Variants in GPM6A observed in about 807,000 individuals in gnomAD.
GPM6A encodes the protein glycoprotein M6A.
In GPM6A, 7 loss-of-function variants were observed where a neutral mutation model predicts 32.1. The observed-to-expected ratio is 0.22, with a 90% confidence interval of 0.12 to 0.41. GPM6A has a LOEUF of 0.41. Ranked by LOEUF, GPM6A falls within the 10% of genes least tolerant of loss-of-function variation. GPM6A has a pLI of 1.00. For synonymous variants in GPM6A, 130 were observed against 123.4 expected (o/e 1.05, Z -0.35); for missense variants, 235 against 347.2 (o/e 0.68, Z 2.57).
intron 1 of GPM6A, among the ~76,000 whole-genome samples, chr4:175,748,669 G>A (rs138132389): frequency 6.6e-6 from 1 of 152,206 alleles, no homozygotes; most frequent in East Asian, 1.9e-4. Flanking sequence ...TTTTTGGAGT[G>A]ATAAATAAAC....
intron 1 of GPM6A, among the ~76,000 whole-genome samples, chr4:175,892,036 G>T (rs1002867205): frequency 3.3e-5 from 5 of 152,160 alleles, no homozygotes; most frequent in African/African-American, 1.2e-4. Flanking sequence ...ATAAAAATCA[G>T]AGGGCTTGTT....
intron 3 of GPM6A, among the ~76,000 whole-genome samples, chr4:175,656,288 A>G (rs575256179): frequency 6.6e-6 from 1 of 152,262 alleles, no homozygotes; most frequent in South Asian, 2.1e-4. Flanking sequence ...AATAGCTGAC[A>G]TATTCCATTA....
chr4:175,864,985 A>G (rs934216190), intron 1 of GPM6A, among the ~76,000 whole-genome samples: 3 of 151,756 alleles, frequency 2.0e-5, no homozygotes, highest in African/African-American at 7.3e-5. Flanking sequence ...TAATTTTTGT[A>G]TTTTTAGTAG....
Position 175,924,614 on chromosome 4 carries a change from C to T in GPM6A, c.-23+77695G>A, listed in dbSNP as rs561964725. Among the ~76,000 whole-genome samples, 11 of 152,172 alleles carry T rather than the reference C, an allele frequency of 7.2e-5. No individual in the cohort carries two copies. In the East Asian group the frequency reaches 1.7e-3, roughly 24 times the overall value. Reference sequence around the variant, plus strand: ...CAGTACTTTGGGAGGCCGAGGCACACGGATCACCTGAGGTCAGGGGTTCGA... The same window carrying T: ...CAGTACTTTGGGAGGCCGAGGCACATGGATCACCTGAGGTCAGGGGTTCGA... On this transcript the variant is annotated intron_variant, in intron 1 of 7. Coordinates refer to the GPM6A transcript ENST00000280187.
rs1464694700 is a variant in GPM6A at position 175,849,100 on chromosome 4, T to C, written c.-22-36851A>G. ...TTATAAATTTGTATAGATTTAAGAGTGTAAAAATGTTTCTTATCCAGACAT... is the reference window on the plus strand; with the variant it reads ...TTATAAATTTGTATAGATTTAAGAGCGTAAAAATGTTTCTTATCCAGACAT... On this transcript the variant is annotated intron_variant, in intron 1 of 7. Transcript: ENST00000280187. Among the ~76,000 whole-genome samples the C allele has an allele frequency of 2.0e-5, 3 of 152,070 alleles. No individual in the cohort carries two copies. The East Asian group carries it at 5.8e-4, about 29-fold the overall frequency.
chr4:175,950,001 C>G (rs1471433484), intron 1 of GPM6A, among the ~76,000 whole-genome samples: 9 of 151,986 alleles, frequency 5.9e-5, no homozygotes, highest in Admixed American at 5.9e-4. Context: ...GTATAAACAC[C>G]AATGGATCAC....
intron 4 of GPM6A, among the ~76,000 whole-genome samples, chr4:175,649,971 T>C (rs934513880): frequency 6.6e-6 from 1 of 152,172 alleles, no homozygotes; most frequent in Non-Finnish European, 1.5e-5. Flanking sequence ...AAGGAAGACA[T>C]TTAGGACAAG....
rs557978137 is a variant in GPM6A, at chr4:175,666,151, C to T, written c.387+7529G>A. Reference sequence around the variant, plus strand: ...GCCAGGCTGGTCTCGATCTCCAGCCCTTAGGTGATCCACCTGCCTCGGTCT... The same window carrying T: ...GCCAGGCTGGTCTCGATCTCCAGCCTTTAGGTGATCCACCTGCCTCGGTCT... On this transcript the variant is annotated intron_variant, in intron 3 of 6. Coordinates refer to ENST00000393658, the MANE Select transcript of GPM6A (RefSeq NM_201591.3). Among the ~76,000 whole-genome samples, 15 of 152,034 alleles carry T rather than the reference C, an allele frequency of 9.9e-5. No individual in the cohort carries two copies. In the South Asian group the frequency reaches 1.0e-3, roughly 11 times the overall value.
chr4:175,699,876 A>G (rs906669884), intron 2 of GPM6A, among the ~76,000 whole-genome samples: 1 of 152,158 alleles, frequency 6.6e-6, no homozygotes, highest in African/African-American at 2.4e-5. Flanking sequence ...ATAGAAATGT[A>G]TAACTCTATT....
At chr4:175,978,532 C>T (rs1333929815) in intron 1 of GPM6A, among the ~76,000 whole-genome samples, 1 of 152,148 alleles carries the variant, frequency 6.6e-6, no homozygotes, top group Non-Finnish European at 1.5e-5. Flanking sequence ...TCTTCCCACT[C>T]AGGCCAGACT....
At chr4:175,961,785 C>G (rs1740172376) in intron 1 of GPM6A, among the ~76,000 whole-genome samples, 1 of 152,150 alleles carries the variant, frequency 6.6e-6, no homozygotes, top group African/African-American at 2.4e-5. Context: ...GGAAAATATT[C>G]TGCCAGTGCC....
intron 1 of GPM6A, among the ~76,000 whole-genome samples, chr4:175,764,254 G>A (rs1337262714): frequency 6.6e-6 from 1 of 152,076 alleles, no homozygotes; most frequent in Non-Finnish European, 1.5e-5. Flanking sequence ...TTATATAAAG[G>A]GAATCATGCT....
chr4:175,717,974 T>C (rs563814891), intron 1 of GPM6A, among the ~76,000 whole-genome samples: 2 of 152,320 alleles, frequency 1.3e-5, no homozygotes, highest in Admixed American at 6.5e-5. Flanking sequence ...TTTGTAAAAT[T>C]GCACCAATTC....
intron 1 of GPM6A, among the ~76,000 whole-genome samples, chr4:175,799,985 CTT>C: frequency 9.7e-6 from 1 of 102,822 alleles, no homozygotes. Context: ...AAGTTTATCT[CTT>C]TTTTCATTCA....
chr4:175,904,991 G>C (rs2111497041), intron 1 of GPM6A, among the ~76,000 whole-genome samples: 1 of 152,202 alleles, frequency 6.6e-6, no homozygotes, highest in East Asian at 1.9e-4. Flanking sequence ...ACAAAAGGGA[G>C]ATTAACAGGA....
chr4:175,637,135 T>A (rs1211011925), intron 6 of GPM6A, among the ~76,000 whole-genome samples: 1 of 121,734 alleles, frequency 8.2e-6, no homozygotes, highest in Non-Finnish European at 1.6e-5. Flanking sequence ...ATATAATATA[T>A]TATATATGAT....
intron 1 of GPM6A, among the ~76,000 whole-genome samples, chr4:175,870,682 G>A (rs1000302952): frequency 9.2e-5 from 14 of 152,012 alleles, no homozygotes; most frequent in East Asian, 1.9e-4. Context: ...ATGTCATGGT[G>A]AAAATTTGCT....
chr4:175,947,470 A>G, intron 1 of GPM6A, among the ~76,000 whole-genome samples: 1 of 152,228 alleles, frequency 6.6e-6, no homozygotes, highest in Non-Finnish European at 1.5e-5. Flanking sequence ...TATTAAGTGT[A>G]ATATTCTTAA....
intron 2 of GPM6A, among the ~76,000 whole-genome samples, chr4:175,677,848 A>T (rs562372678): frequency 6.6e-6 from 1 of 152,200 alleles, no homozygotes; most frequent in Non-Finnish European, 1.5e-5. Flanking sequence ...CAAATGTACC[A>T]GTCATGAAAA....
Sources: allele counts gnomAD v4.1 joint callset (sites outside exome capture counted in the v4.1 genomes callset), GRCh38; gene constraint gnomAD v4.1.1; transcripts MANE v1.5; gene names NCBI Gene and HGNC (gene_info 2026-07-23, HGNC 2026-07-21).